Variants in GRHL2 observed in about 807,000 individuals in gnomAD.
The protein encoded by GRHL2 is grainyhead like transcription factor 2, also known as grainyhead-like protein 2 homolog.
GRHL2 carries 21 observed loss-of-function variants against 83.8 expected under a neutral mutation model. That is an observed-to-expected ratio of 0.25 (90% confidence interval 0.18 to 0.36). GRHL2 has a LOEUF of 0.36. GRHL2 is among the 10% of genes least tolerant of loss of function. The probability of loss-of-function intolerance (pLI) is 1.00; values close to 1 mark genes in which losing one functional copy is unlikely to be tolerated. For synonymous variants in GRHL2, 280 were observed against 278.9 expected, an observed-to-expected ratio of 1.00 and a Z score of -0.04; for missense variants, 623 against 781.8, an observed-to-expected ratio of 0.80 and a Z score of 2.42.
Position 101,558,448 on chromosome 8 carries a change from G to A in GRHL2, c.314G>A (p.Ser105Asn), listed in dbSNP as rs931416363. 6.8e-6 allele frequency: 11 copies of A among 1,614,092 alleles called. No individual in the cohort carries two copies. The South Asian group carries it at 1.2e-4, about 18-fold the overall frequency. ...TGCCTTGGCACCAGTGAAGCCCAGAGTAATTTGAGTGGAGGAGAAAACCGA... is the reference window on the plus strand; with the variant it reads ...TGCCTTGGCACCAGTGAAGCCCAGAATAATTTGAGTGGAGGAGAAAACCGA... ...RNCLGTSEAQ[S>N]NLSGGENRVQ... Residue 105 changes from serine (S) to asparagine (N), a missense_variant, in exon 4 of 16, where the codon AGT becomes AAT. Ser to Asn is a conservative substitution (Grantham distance 46, BLOSUM62 1). Around this residue, in one of 8 missense-constraint regions of GRHL2, gnomAD observed 239 missense variants for 240.5 expected, o/e 0.99. Coordinates refer to ENST00000646743, the MANE Select transcript of GRHL2 (RefSeq NM_024915.4).
chr8:101,599,011 G>A (rs1812455983), intron 7 of GRHL2, 46 bp from the exon 8 acceptor site: 7 of 1,315,406 alleles, frequency 5.3e-6, no homozygotes, highest in African/African-American at 2.9e-5. Context: ...ATGTCACTGA[G>A]TCACTCTTAC....
chr8:101,645,352 C>T (rs918276400), intron 13 of GRHL2, among the ~76,000 whole-genome samples: 7 of 151,990 alleles, frequency 4.6e-5, no homozygotes, highest in Non-Finnish European at 7.4e-5. Context: ...AGGATGGTCT[C>T]GATCTCTTGA....
At chr8:101,516,064 A>G (rs1040175358) in intron 1 of GRHL2, among the ~76,000 whole-genome samples, 40 of 152,092 alleles carry the variant, frequency 2.6e-4, no homozygotes, top group Admixed American at 1.6e-3. Flanking sequence ...CTATGAATGT[A>G]ACCTCATGCT....
Position 101,581,622 on chromosome 8 carries a change from C to T in GRHL2, c.1003+4103C>T, listed in dbSNP as rs141348522. Among the ~76,000 whole-genome samples, 62 of 152,218 alleles carry T rather than the reference C, an allele frequency of 4.1e-4. No individual in the cohort carries two copies. The East Asian group carries it at 6.2e-3, about 15-fold the overall frequency. On this transcript the variant is annotated intron_variant, in intron 7 of 15. Transcript: ENST00000646743. ...TGGCCCCATATTAGTTAGTTAACAC[C>T]GGTTTGAGGAAAAGCACAGTTATTC...
chr8:101,567,481 C>G (rs1390157085), intron 4 of GRHL2, among the ~76,000 whole-genome samples: 1 of 152,274 alleles, frequency 6.6e-6, no homozygotes, highest in Middle Eastern at 3.4e-3. Flanking sequence ...GTAATCAGGT[C>G]TCATCTAAAG....
intron 7 of GRHL2, among the ~76,000 whole-genome samples, chr8:101,586,495 C>A (rs1442808231): frequency 6.6e-6 from 1 of 152,088 alleles, no homozygotes; most frequent in East Asian, 1.9e-4. Flanking sequence ...TGGGTAAGAT[C>A]TTCTTAATCT....
intron 7 of GRHL2, among the ~76,000 whole-genome samples, chr8:101,584,245 A>T (rs1014549192): frequency 6.6e-6 from 1 of 152,330 alleles, no homozygotes; most frequent in Middle Eastern, 3.4e-3. Context: ...AATTTCAGTT[A>T]TTAGCATATG....
At chr8:101,568,066 T>C (rs1811750631) in intron 4 of GRHL2, among the ~76,000 whole-genome samples, 1 of 152,242 alleles carries the variant, frequency 6.6e-6, no homozygotes, top group Admixed American at 6.5e-5. Context: ...AATCAGCCTG[T>C]CCAGTAGAGC....
intron 8 of GRHL2, among the ~76,000 whole-genome samples, chr8:101,618,361 A>G (rs1390370689): frequency 2.0e-5 from 3 of 152,010 alleles, no homozygotes; most frequent in African/African-American, 4.8e-5. Flanking sequence ...TTTTGAATTC[A>G]TGTGATTTCT....
chr8:101,593,524 A>G (rs1212665555), intron 7 of GRHL2, among the ~76,000 whole-genome samples: 1 of 152,162 alleles, frequency 6.6e-6, no homozygotes, highest in African/African-American at 2.4e-5. Context: ...TTTTTCAGCT[A>G]TGGTAACTAT....
At chr8:101,496,980 T>C (rs1434433926) in intron 1 of GRHL2, among the ~76,000 whole-genome samples, 1 of 152,148 alleles carries the variant, frequency 6.6e-6, no homozygotes, top group Non-Finnish European at 1.5e-5. Flanking sequence ...AGTTGCACAC[T>C]CAAAACAGTC....
rs116843023 is a variant in GRHL2 at position 101,643,315 on chromosome 8, C to T, written c.1518-816C>T. Among the ~76,000 whole-genome samples, 480 of 130,934 alleles carry T rather than the reference C, an allele frequency of 3.7e-3. 11 individuals are homozygous for T. In the East Asian group the frequency reaches 0.071, roughly 19 times the overall value. The allele number at this position is 130,934 out of a possible 152,430, so 85.9% of individuals were successfully genotyped here. On this transcript the variant is annotated intron_variant, in intron 12 of 15. Coordinates refer to ENST00000646743, the MANE Select transcript of GRHL2 (RefSeq NM_024915.4). ...GTTTGAAAAACAGTAAGATTCCATTCGGGGACATTTTCTCAGTATCAATGA... is the reference window on the plus strand; with the variant it reads ...GTTTGAAAAACAGTAAGATTCCATTTGGGGACATTTTCTCAGTATCAATGA...
In GRHL2 at chr8:101,664,495, G is replaced by A; in HGVS notation, c.1740G>A (p.Lys580=). The change falls in exon 15 of 16, where the codon AAG becomes AAA. Residue 580 remains lysine, a synonymous_variant. Transcript: ENST00000646743. ...KYGLPVEKIA[K]LYKKSKKGIL... ...GGCTGCCCGTGGAGAAGATAGCAAA[G>A]CTTTACAAGAAAAGCAAAAAAGGGT... 6.2e-7 allele frequency: 1 copy of A among 1,613,526 alleles called. No individual in the cohort carries two copies. The highest frequency in any genetic ancestry group is 8.5e-7 in the Non-Finnish European group (1 of 1,179,554).
intron 12 of GRHL2, among the ~76,000 whole-genome samples, chr8:101,643,401 C>T (rs1048370081): frequency 6.8e-6 from 1 of 146,020 alleles, no homozygotes; most frequent in African/African-American, 2.5e-5. Context: ...AAAAAATCCT[C>T]CCCTTGCTTA....
intron 1 of GRHL2, chr8:101,529,402 C>T (rs1423425306): frequency 6.5e-6 from 1 of 154,906 alleles, no homozygotes; most frequent in South Asian, 1.8e-4. Context: ...CACTGCACTC[C>T]AGCCTGGGCA....
At chr8:101,644,897 T>C (rs927487726) in intron 13 of GRHL2, among the ~76,000 whole-genome samples, 1 of 148,964 alleles carries the variant, frequency 6.7e-6, no homozygotes, top group African/African-American at 2.5e-5. Context: ...ACCCAGGAGG[T>C]AGTGCAGTAG....
chr8:101,529,049 C>T (rs190922051), intron 1 of GRHL2: 19 of 383,748 alleles, frequency 5.0e-5, no homozygotes, highest in Non-Finnish European at 6.7e-5. Context: ...TCTGCTTCCA[C>T]GTCAACAGTT....
At chr8:101,495,581 C>T (rs1810082909) in intron 1 of GRHL2, among the ~76,000 whole-genome samples, 1 of 152,088 alleles carries the variant, frequency 6.6e-6, no homozygotes, top group Non-Finnish European at 1.5e-5. Flanking sequence ...TATTTTACTG[C>T]CAAAATGTAT....
chr8:101,555,432 G>A (rs770351403), intron 3 of GRHL2, among the ~76,000 whole-genome samples: 2 of 152,088 alleles, frequency 1.3e-5, no homozygotes, highest in Admixed American at 6.5e-5. Flanking sequence ...CGGTGGTCTC[G>A]TTATGGCAAT....
Sources: gnomAD v4.1 joint callset for allele counts (sites outside exome capture counted in the v4.1 genomes callset) on GRCh38, gnomAD v4.1.1 for gene constraint, gnomAD v4.1.1 regional missense constraint, MANE v1.5 for transcripts, NCBI Gene and HGNC (gene_info 2026-07-23, HGNC 2026-07-21) for gene names.